Variants in AK5 observed in about 807,000 individuals in gnomAD.
The protein encoded by AK5 is adenylate kinase isoenzyme 5.
Under a neutral mutation model 69.5 loss-of-function variants are expected in AK5, and 27 were observed. That is an observed-to-expected ratio of 0.39 (90% CI 0.29 to 0.54). The LOEUF (loss-of-function observed/expected upper bound fraction) is 0.54. Among genes scored for constraint, AK5 ranks in the 20% least tolerant of loss-of-function variants. AK5 has a pLI of 0.71. For missense variants in AK5, 531 were observed against 700.4 expected, an observed-to-expected ratio of 0.76 and a Z score of 2.73; for synonymous variants, 260 against 244.4, an observed-to-expected ratio of 1.06 and a Z score of -0.60.
intron 5 of AK5, among the ~76,000 whole-genome samples, chr1:77,303,103 T>C (rs1483581775): frequency 6.6e-6 from 1 of 152,196 alleles, no homozygotes; most frequent in Non-Finnish European, 1.5e-5. Context: ...AGTAGCATAA[T>C]ACAGAAACTT....
intron 6 of AK5, among the ~76,000 whole-genome samples, chr1:77,379,635 A>C (rs1435218317): frequency 6.6e-6 from 1 of 152,192 alleles, no homozygotes; most frequent in Admixed American, 6.5e-5. Flanking sequence ...TTAACATCTT[A>C]GGTAGGAATT....
In AK5 at chr1:77,536,053, T is replaced by C. The variant is rs1658947609; in HGVS notation, c.1620+15T>C. 1.3e-6 allele frequency: 2 copies of C among 1,595,914 alleles called. No individual in the cohort carries two copies. Among genetic ancestry groups the C allele is most frequent in the African/African-American group, 1.4e-5 (1 of 73,146 alleles). The stretch of plus-strand genomic sequence containing the variant: ...AGCTACACAAGGCGAGTCACTTCAC[T>C]TTCTCCTCTGAAATGAGCCGCTTAC... On this transcript the variant is annotated intron_variant, in intron 13 of 13. Coordinates refer to ENST00000354567, the MANE Select transcript of AK5 (RefSeq NM_174858.3).
At chr1:77,475,974 T>C (rs889224845) in intron 8 of AK5, among the ~76,000 whole-genome samples, 1 of 152,200 alleles carries the variant, frequency 6.6e-6, no homozygotes, top group Non-Finnish European at 1.5e-5. Context: ...GAGAAAATTT[T>C]TTTCTTTAAA....
intron 5 of AK5, among the ~76,000 whole-genome samples, chr1:77,310,312 C>T (rs9439800): frequency 0.99 from 150,040 of 152,248 alleles, 73,982 homozygotes; most frequent in Middle Eastern, 1. Context: ...ATCATGGTTC[C>T]AGTTGAAGAA....
intron 12 of AK5, among the ~76,000 whole-genome samples, chr1:77,528,813 C>T (rs540270052): frequency 6.6e-6 from 1 of 152,304 alleles, no homozygotes; most frequent in East Asian, 1.9e-4. Flanking sequence ...GTTATAGTGA[C>T]TCTGGTGTGA....
intron 6 of AK5, among the ~76,000 whole-genome samples, chr1:77,348,346 T>C (rs536919037): frequency 4.7e-4 from 72 of 152,332 alleles, no homozygotes; most frequent in African/African-American, 1.7e-3. Context: ...GTGAGTTTTG[T>C]CCTTGCGATA....
intron 8 of AK5, among the ~76,000 whole-genome samples, chr1:77,472,671 T>C (rs1333447186): frequency 1.3e-5 from 2 of 151,926 alleles, no homozygotes; most frequent in East Asian, 3.9e-4. Flanking sequence ...TCGCTTGAGC[T>C]CAGGAGTTCG....
At chr1:77,303,107 G>A (rs906031343) in intron 5 of AK5, among the ~76,000 whole-genome samples, 5 of 152,148 alleles carry the variant, frequency 3.3e-5, no homozygotes, top group African/African-American at 1.2e-4. Flanking sequence ...GCATAATACA[G>A]AAACTTATTT....
chr1:77,546,198 C>A (rs1299106196), intron 13 of AK5, among the ~76,000 whole-genome samples: 1 of 152,168 alleles, frequency 6.6e-6, no homozygotes, highest in African/African-American at 2.4e-5. Flanking sequence ...TGTACACACT[C>A]TTGATTTCTT....
At chr1:77,508,235 A>T (rs1340942751) in intron 10 of AK5, among the ~76,000 whole-genome samples, 2 of 152,180 alleles carry the variant, frequency 1.3e-5, no homozygotes, top group Non-Finnish European at 2.9e-5. Flanking sequence ...CTATTCATCC[A>T]TCAGTACATC....
chr1:77,401,770 A>T (rs1649230407), intron 6 of AK5, among the ~76,000 whole-genome samples: 1 of 152,238 alleles, frequency 6.6e-6, no homozygotes, highest in Admixed American at 6.5e-5. Context: ...GATGGTGCAT[A>T]ATTCTCCTCC....
chr1:77,446,928 A>T (rs1652789661), intron 8 of AK5, among the ~76,000 whole-genome samples: 1 of 152,220 alleles, frequency 6.6e-6, no homozygotes, highest in African/African-American at 2.4e-5. Flanking sequence ...GTTTGGGGCA[A>T]GTCCTATGAG....
At chr1:77,557,142 G>GGGA (rs940448624) in intron 13 of AK5, 2 of 152,866 alleles carry the variant, frequency 1.3e-5, no homozygotes, top group African/African-American at 4.8e-5. Context: ...AGGCTACTTT[G>GGGA]GGAGTTTCCC....
At chr1:77,366,668 C>T (rs1646955404) in intron 6 of AK5, among the ~76,000 whole-genome samples, 1 of 152,164 alleles carries the variant, frequency 6.6e-6, no homozygotes, top group African/African-American at 2.4e-5. Flanking sequence ...TTTTGACATT[C>T]TCCTCTGGAT....
At chr1:77,440,031 T>A (rs1455944298) in intron 8 of AK5, among the ~76,000 whole-genome samples, 2 of 152,178 alleles carry the variant, frequency 1.3e-5, no homozygotes, top group African/African-American at 4.8e-5. Flanking sequence ...TGATAAGCTT[T>A]GATTCTTTTC....
At chr1:77,466,986 G>A (rs1340870702) in intron 8 of AK5, among the ~76,000 whole-genome samples, 1 of 152,140 alleles carries the variant, frequency 6.6e-6, no homozygotes, top group Non-Finnish European at 1.5e-5. Context: ...CATGTATAAA[G>A]CAACATATAC....
chr1:77,293,944 AATC>A lies in AK5; in HGVS notation c.402_404del (p.Ile135del). On this transcript the variant is annotated inframe_deletion, in exon 3 of 14. Coordinates refer to ENST00000354567, the MANE Select transcript of AK5 (RefSeq NM_174858.3). ...TTGATCCTACCAGACCTCGACCAAA[AATC>A]ATTCTTGTTATAGGTATGAGGACAG... 1 of 1,611,428 alleles carries A rather than the reference AATC, an allele frequency of 6.2e-7. No homozygotes were observed. Among genetic ancestry groups the A allele is most frequent in the Non-Finnish European group, 8.5e-7 (1 of 1,179,186 alleles).
At chr1:77,309,711 A>AGAAC (rs1387843023) in intron 5 of AK5, among the ~76,000 whole-genome samples, 2 of 152,150 alleles carry the variant, frequency 1.3e-5, no homozygotes, top group Admixed American at 1.3e-4. Flanking sequence ...TCTTCAAATT[A>AGAAC]CTAGTGAACT....
At chr1:77,347,131 A>G (rs1320540860) in intron 6 of AK5, among the ~76,000 whole-genome samples, 5 of 152,204 alleles carry the variant, frequency 3.3e-5, no homozygotes, top group Non-Finnish European at 7.3e-5. Flanking sequence ...AGGAAAGGCC[A>G]TGGAAGTATT....
Sources: allele counts gnomAD v4.1 joint callset (sites outside exome capture counted in the v4.1 genomes callset), GRCh38; gene constraint gnomAD v4.1.1; transcripts MANE v1.5; gene names NCBI Gene and HGNC (gene_info 2026-07-23, HGNC 2026-07-21).